Variants in SHISA6 observed in about 807,000 individuals in gnomAD.
The protein encoded by SHISA6 is shisa family member 6.
Under a neutral mutation model 47.9 loss-of-function variants are expected in SHISA6, and 22 were observed. That is an observed-to-expected ratio of 0.46 (90% CI 0.33 to 0.66). The LOEUF is 0.66. Ranked by LOEUF, SHISA6 falls within the 30% of genes least tolerant of loss-of-function variation. The pLI, the probability that SHISA6 is intolerant of heterozygous loss-of-function variation, is 0.02. For synonymous variants in SHISA6, 388 were observed against 337.8 expected, an observed-to-expected ratio of 1.15 and a Z score of -1.63; for missense variants, 680 against 764.6, an observed-to-expected ratio of 0.89 and a Z score of 1.30.
At chr17:11,399,140 G>A (rs903396361) in intron 3 of SHISA6, among the ~76,000 whole-genome samples, 8 of 152,176 alleles carry the variant, frequency 5.3e-5, no homozygotes, top group Non-Finnish European at 5.9e-5. Context: ...GGGGCTGTCT[G>A]ATTATAATGT....
intron 3 of SHISA6, among the ~76,000 whole-genome samples, chr17:11,389,855 G>A (rs1172143791): frequency 6.6e-6 from 1 of 152,126 alleles, no homozygotes; most frequent in African/African-American, 2.4e-5. Context: ...ACTGCTCACT[G>A]CCAAGAGTCT....
intron 3 of SHISA6, among the ~76,000 whole-genome samples, chr17:11,492,655 C>T (rs898311868): frequency 1.3e-5 from 2 of 152,152 alleles, no homozygotes; most frequent in African/African-American, 4.8e-5. Context: ...ACCCCTTCCT[C>T]CTTGCACGCA....
At chr17:11,284,631 T>C (rs1047711859) in intron 2 of SHISA6, among the ~76,000 whole-genome samples, 2 of 152,242 alleles carry the variant, frequency 1.3e-5, no homozygotes, top group African/African-American at 2.4e-5. Context: ...GAGTTCCTCA[T>C]TGAGGAATGG....
chr17:11,466,497 C>G (rs564685739), intron 3 of SHISA6, among the ~76,000 whole-genome samples: 2 of 152,284 alleles, frequency 1.3e-5, no homozygotes, highest in African/African-American at 4.8e-5. Flanking sequence ...CTTATTCACA[C>G]ACTTCAGGGA....
chr17:11,270,116 C>T (rs538771900), intron 2 of SHISA6, among the ~76,000 whole-genome samples: 8 of 152,142 alleles, frequency 5.3e-5, no homozygotes, highest in Non-Finnish European at 7.4e-5. Flanking sequence ...GCTGGGATTA[C>T]AGGTGTGCAT....
chr17:11,383,735 T>A (rs551890709), intron 3 of SHISA6, among the ~76,000 whole-genome samples: 1 of 152,344 alleles, frequency 6.6e-6, no homozygotes, highest in South Asian at 2.1e-4. Flanking sequence ...CTTCTGCATG[T>A]CTCCCTTTCT....
intron 3 of SHISA6, among the ~76,000 whole-genome samples, chr17:11,390,242 G>C (rs1317157792): frequency 6.6e-6 from 1 of 152,090 alleles, no homozygotes; most frequent in Non-Finnish European, 1.5e-5. Flanking sequence ...CTGGACTTCT[G>C]GCTCTAACCT....
intron 3 of SHISA6, among the ~76,000 whole-genome samples, chr17:11,517,554 GTGCAGTGGTACAGTCACAGC>G (rs1441509894): frequency 6.6e-6 from 1 of 152,162 alleles, no homozygotes; most frequent in Non-Finnish European, 1.5e-5. Flanking sequence ...CCAGGCTGGA[GTGCAGTGGTACAGTCACAGC>G]TCAGTGCAGC....
At chr17:11,325,696 T>TA (rs34638021) in intron 2 of SHISA6, among the ~76,000 whole-genome samples, 39,046 of 144,996 alleles carry the variant, frequency 0.27, 5,905 homozygotes, top group Non-Finnish European at 0.35. Flanking sequence ...GTGCCATGTT[T>TA]AAAAAAAAAA....
chr17:11,282,964 C>G (rs1909172629), intron 2 of SHISA6, among the ~76,000 whole-genome samples: 1 of 152,178 alleles, frequency 6.6e-6, no homozygotes, highest in African/African-American at 2.4e-5. Flanking sequence ...AAAAAACAGT[C>G]CTGCTGTTTG....
At chr17:11,305,980 G>A (rs530393901) in intron 2 of SHISA6, among the ~76,000 whole-genome samples, 47 of 152,182 alleles carry the variant, frequency 3.1e-4, no homozygotes, top group African/African-American at 4.6e-4. Flanking sequence ...ATGCCTGTGC[G>A]TACCCTTCTT....
At chr17:11,515,543 G>A (rs1028085180) in intron 3 of SHISA6, among the ~76,000 whole-genome samples, 4 of 152,114 alleles carry the variant, frequency 2.6e-5, no homozygotes, top group Admixed American at 1.3e-4. Flanking sequence ...GGGTGGGGCA[G>A]GGTAGAAAGC....
intron 2 of SHISA6, among the ~76,000 whole-genome samples, chr17:11,265,118 C>A (rs562179650): frequency 2.0e-4 from 31 of 152,228 alleles, no homozygotes; most frequent in Non-Finnish European, 4.0e-4. Flanking sequence ...GTTTTAGAAT[C>A]ACCTGAGGAG....
chr17:11,284,999 AGCTCAGGATGCTAAACACGG>A (rs984455743), intron 2 of SHISA6, among the ~76,000 whole-genome samples: 2 of 152,180 alleles, frequency 1.3e-5, no homozygotes, highest in Non-Finnish European at 2.9e-5. Context: ...CCTGCTACTC[AGCTCAGGATGCTAAACACGG>A]GCCATCTTGC....
intron 3 of SHISA6, among the ~76,000 whole-genome samples, chr17:11,407,282 C>T (rs903816364): frequency 6.6e-6 from 1 of 151,898 alleles, no homozygotes; most frequent in Non-Finnish European, 1.5e-5. Context: ...GTGGTGGAGC[C>T]TCTTTTGGGA....
chr17:11,515,908 G>T (rs1167412899), intron 3 of SHISA6, among the ~76,000 whole-genome samples: 1 of 152,256 alleles, frequency 6.6e-6, no homozygotes, highest in East Asian at 1.9e-4. Context: ...TTCTGCTCTG[G>T]CTGTGAGCTT....
rs185547971 is a variant in SHISA6 at position 11,507,385 on chromosome 17, C to A, written c.896-44511C>A. ...GAGCACCTCCCCACCCTCCGCCCTA[C>A]CTGCCTTCTGCTCAGAGCTTTCCTC... On this transcript the variant is annotated intron_variant, in intron 3 of 5. Coordinates refer to ENST00000441885, the MANE Select transcript of SHISA6 (RefSeq NM_207386.4). Among the ~76,000 whole-genome samples, 14 of 152,272 alleles carry A rather than the reference C, an allele frequency of 9.2e-5. No individual in the cohort carries two copies. The East Asian group carries it at 2.7e-3, about 29-fold the overall frequency.
intron 2 of SHISA6, among the ~76,000 whole-genome samples, chr17:11,264,619 A>G (rs775579247): frequency 3.3e-5 from 5 of 152,182 alleles, no homozygotes; most frequent in Non-Finnish European, 7.3e-5. Flanking sequence ...AAATCTGCAC[A>G]TCTATTGCTC....
At chr17:11,512,062 G>T (rs1339903553) in intron 3 of SHISA6, among the ~76,000 whole-genome samples, 1 of 152,204 alleles carries the variant, frequency 6.6e-6, no homozygotes, top group Admixed American at 6.5e-5. Context: ...GGATTCCCAA[G>T]GTTCCTGTCT....
Sources: gnomAD v4.1 joint callset for allele counts (sites outside exome capture counted in the v4.1 genomes callset) on GRCh38, gnomAD v4.1.1 for gene constraint, MANE v1.5 for transcripts, NCBI Gene and HGNC (gene_info 2026-07-23, HGNC 2026-07-21) for gene names.